CLTC: variants seen among roughly 807,000 people sequenced by gnomAD.
CLTC encodes the protein clathrin heavy chain, also known as clathrin heavy chain 1.
In CLTC, 16 loss-of-function variants were observed where a neutral mutation model predicts 195.8. The ratio of observed to expected loss-of-function variants is 0.08; its 90% CI spans 0.06 to 0.12. The LOEUF (loss-of-function observed/expected upper bound fraction) is 0.12. Among genes scored for constraint, CLTC ranks in the 10% least tolerant of loss-of-function variants. CLTC has a pLI of 1.00. For missense variants in CLTC, 796 were observed against 2,027.0 expected (o/e 0.39, Z 11.66); for synonymous variants, 667 against 689.4 (o/e 0.97, Z 0.51).
rs1170363240 is a variant in CLTC, at chr17:59,694,649, G to C, written c.*797G>C. ...GTTTGTGTATGTTGGATATTGTGGT[G>C]TTTTAGATCACTGAGTGTACAGAAG... On this transcript the variant is annotated 3_prime_UTR_variant, in exon 32 of 32. Coordinates refer to ENST00000269122, the MANE Select transcript of CLTC (RefSeq NM_004859.4). 2 of 225,778 alleles carry C rather than the reference G, an allele frequency of 8.9e-6. No individual in the cohort carries two copies. The highest frequency in any genetic ancestry group is 1.8e-5 in the Non-Finnish European group (2 of 113,236). 14.0% of individuals were successfully genotyped at this position (225,778 alleles called of 1,614,324 possible).
At position 59,685,103 on chromosome 17, in the gene CLTC, G is replaced by A. The variant is rs1191785155; in HGVS notation, c.4482G>A (p.Ser1494=). ...IDAYDNFDNI[S]LAQRLEKHEL... ...CTTATGACAACTTTGACAATATCTC[G>A]CTTGCTCAGCGTTTGGAAAAACATG... The change falls in exon 29 of 32, where the codon TCG becomes TCA. Residue 1494 remains serine (S), a synonymous_variant. Transcript: ENST00000269122. This position sits in a 1 kb window ranked among gnomAD's most constrained non-coding sequence, Gnocchi z 5.0. The A allele has an allele frequency of 3.7e-6, 6 of 1,606,848 alleles. No individual in the cohort carries two copies. Among genetic ancestry groups the A allele is most frequent in the Admixed American group, 1.7e-5 (1 of 59,582 alleles).
At chr17:59,651,669 T>G (rs2032331297) in intron 5 of CLTC, among the ~76,000 whole-genome samples, 1 of 152,254 alleles carries the variant, frequency 6.6e-6, no homozygotes, top group Non-Finnish European at 1.5e-5. Context: ...TACTGTAATT[T>G]AAAAATACTT....
intron 31 of CLTC, 109 bp from the exon 32 acceptor site, chr17:59,693,619 T>G: frequency 3.1e-6 from 4 of 1,286,412 alleles, no homozygotes; most frequent in Non-Finnish European, 4.2e-6. Context: ...TCATTTGAGG[T>G]TGAGATTATG....
At chr17:59,679,330 C>A in intron 17 of CLTC, 67 bp from the exon 18 acceptor site, 4 of 1,296,532 alleles carry the variant, frequency 3.1e-6, no homozygotes, top group Middle Eastern at 1.9e-4. Context: ...ATAGGAAATA[C>A]CCTCTAAAAT....
chr17:59,621,719 T>A (rs556404791), intron 1 of CLTC, among the ~76,000 whole-genome samples: 5 of 152,320 alleles, frequency 3.3e-5, no homozygotes, highest in Non-Finnish European at 7.3e-5. Flanking sequence ...AAAAACACTT[T>A]TACAGAGGGT....
intron 1 of CLTC, among the ~76,000 whole-genome samples, chr17:59,624,604 G>A (rs1377344256): frequency 6.6e-6 from 1 of 151,786 alleles, no homozygotes. Context: ...AAGTAGCTGG[G>A]ATTTTAGGTG....
chr17:59,628,714 G>A (rs1206521892), intron 1 of CLTC, among the ~76,000 whole-genome samples: 3 of 152,006 alleles, frequency 2.0e-5, no homozygotes, highest in African/African-American at 4.8e-5. Context: ...GCTGGAGTAC[G>A]GTGGTGCAAT....
At chr17:59,620,826 A>T (rs913957613) in intron 1 of CLTC, among the ~76,000 whole-genome samples, 1 of 152,068 alleles carries the variant, frequency 6.6e-6, no homozygotes, top group Non-Finnish European at 1.5e-5. Context: ...TCTTAGAGCT[A>T]TGTCAATCTC....
Position 59,667,001 on chromosome 17 carries a change from TA to T in CLTC, c.2128+31del, listed in dbSNP as rs777855095. 4 of 1,574,804 alleles carry T rather than the reference TA, an allele frequency of 2.5e-6. No individual in the cohort carries two copies. In the African/African-American group the frequency reaches 4.1e-5, roughly 16 times the overall value. On this transcript the variant is annotated intron_variant, in intron 13 of 31. Transcript: ENST00000269122. ...AGGTAATTAGGAGTTTTTGAGTTTT[TA>T]AAAAAAGTACTTAAGGTAGCCAAGA...
At chr17:59,663,203 G>A (rs2032650018) in intron 8 of CLTC, among the ~76,000 whole-genome samples, 1 of 152,166 alleles carries the variant, frequency 6.6e-6, no homozygotes, top group Admixed American at 6.5e-5. Flanking sequence ...GAACTCTTAG[G>A]AAATGAATTT....
At position 59,666,497 on chromosome 17, in the gene CLTC, A is replaced by C; in HGVS notation, c.1800A>C (p.Leu600=). 6.2e-7 allele frequency: 1 copy of C among 1,613,778 alleles called. No individual in the cohort carries two copies. Among genetic ancestry groups the C allele is most frequent in the Non-Finnish European group, 8.5e-7 (1 of 1,179,834 alleles). The change falls in exon 12 of 32, where the codon CTA becomes CTC. Residue 600 remains leucine, a synonymous_variant. Coordinates refer to ENST00000269122, the MANE Select transcript of CLTC (RefSeq NM_004859.4). This position sits in a 1 kb window ranked among gnomAD's most constrained non-coding sequence, Gnocchi z 4.9. ...MHAPQVADAI[L]GNQMFTHYDR... is the part of the protein sequence containing the mutation. ...TTTTACAGGTTGCAGATGCTATTCT[A>C]GGCAATCAGATGTTCACACATTATG... is the stretch of plus-strand genomic sequence containing the variant.
intron 6 of CLTC, among the ~76,000 whole-genome samples, chr17:59,659,329 G>T (rs567007959): frequency 6.6e-6 from 1 of 152,170 alleles, no homozygotes; most frequent in Admixed American, 6.5e-5. Context: ...AGCTTTTGGG[G>T]CAAGCCAGAA....
At chr17:59,631,746 G>A (rs1480572831) in intron 1 of CLTC, among the ~76,000 whole-genome samples, 2 of 152,008 alleles carry the variant, frequency 1.3e-5, no homozygotes, top group Non-Finnish European at 2.9e-5. Context: ...CAGAGTAGGT[G>A]GATTGCTTCA....
chr17:59,637,314 G>A (rs1419252596), intron 1 of CLTC, among the ~76,000 whole-genome samples: 6 of 151,136 alleles, frequency 4.0e-5, no homozygotes, highest in East Asian at 2.0e-4. Context: ...GCACAATCTC[G>A]GCTCACTGCA....
At chr17:59,638,040 A>T (rs73331158) in intron 1 of CLTC, among the ~76,000 whole-genome samples, 6,495 of 149,648 alleles carry the variant, frequency 0.043, 394 homozygotes, top group African/African-American at 0.14. Flanking sequence ...CCCAGAGACC[A>T]CTAATCTAGT....
At chr17:59,684,677 G>A (rs927393551) in intron 28 of CLTC, among the ~76,000 whole-genome samples, 3 of 152,130 alleles carry the variant, frequency 2.0e-5, no homozygotes, top group East Asian at 3.9e-4. Context: ...GTGGTGGCAC[G>A]TGCCTGTAGT....
chr17:59,667,080 G>T (rs773414163), intron 13 of CLTC, 103 bp downstream of exon 13: 10 of 843,808 alleles, frequency 1.2e-5, no homozygotes, highest in Non-Finnish European at 1.6e-5. Context: ...TAAAAATTTG[G>T]TTCTATGGGA....
In CLTC at chr17:59,648,107, T is replaced by A. The variant is rs1389469792; in HGVS notation, c.520-133T>A. 2 of 830,328 alleles carry A rather than the reference T, an allele frequency of 2.4e-6. No homozygotes were observed. The highest frequency in any genetic ancestry group is 3.7e-6 in the Non-Finnish European group (2 of 540,288). 51.4% of individuals were successfully genotyped at this position (830,328 alleles called of 1,614,324 possible). A position where few individuals can be genotyped will look rare whatever the true frequency, so the allele number is the denominator to read the frequency against. On this transcript the variant is annotated intron_variant, in intron 3 of 31. Transcript: ENST00000269122. This position sits in a 1 kb window ranked among gnomAD's most constrained non-coding sequence, Gnocchi z 4.5. ...AAGTTAAGAAGTATCAAATCTACAGTGAGAGATGAAGTGACAAATAATTAT... is the reference window on the plus strand; with the variant it reads ...AAGTTAAGAAGTATCAAATCTACAGAGAGAGATGAAGTGACAAATAATTAT...
intron 16 of CLTC, 53 bp downstream of exon 16, chr17:59,674,896 A>G: frequency 6.6e-7 from 1 of 1,525,002 alleles, no homozygotes; most frequent in South Asian, 1.2e-5. Context: ...ATGGCAATAG[A>G]TAAAAATATA....
Sources: gnomAD v4.1 joint callset for allele counts (sites outside exome capture counted in the v4.1 genomes callset) on GRCh38, gnomAD v4.1.1 for gene constraint, Gnocchi (gnomAD v3.1) non-coding constraint, MANE v1.5 for transcripts, NCBI Gene and HGNC (gene_info 2026-07-23, HGNC 2026-07-21) for gene names.